PTPN12: variants seen among roughly 807,000 people sequenced by gnomAD.
The protein encoded by PTPN12 is tyrosine-protein phosphatase non-receptor type 12.
PTPN12 carries 29 observed loss-of-function variants against 97.6 expected under a neutral mutation model. The ratio of observed to expected loss-of-function variants is 0.30; its 90% CI spans 0.22 to 0.41. The LOEUF (loss-of-function observed/expected upper bound fraction) is 0.41, where lower values mean the gene tolerates loss of function less well. Among genes scored for constraint, PTPN12 ranks in the 10% least tolerant of loss-of-function variants. PTPN12 has a pLI of 1.00. For missense variants in PTPN12, 819 were observed against 926.0 expected (o/e 0.88, Z 1.50); for synonymous variants, 327 against 300.4 (o/e 1.09, Z -0.91).
rs555345155 is a variant in PTPN12, at chr7:77,541,171, G to A, written c.99+3526G>A. On this transcript the variant is annotated intron_variant, in intron 1 of 17. Transcript: ENST00000248594. ...ATGGTTGCGATCCTGGCTCACGGCA[G>A]CGTCGGTCTCCCTGGGCTCAGGTGA... is the stretch of plus-strand genomic sequence containing the variant. Among the ~76,000 whole-genome samples, 10 of 152,300 alleles carry A rather than the reference G, an allele frequency of 6.6e-5. No individual in the cohort carries two copies. In the South Asian group the frequency reaches 2.1e-3, roughly 32 times the overall value.
intron 12 of PTPN12, among the ~76,000 whole-genome samples, chr7:77,623,153 A>G (rs962962618): frequency 6.6e-6 from 1 of 152,234 alleles, no homozygotes; most frequent in Admixed American, 6.5e-5. Flanking sequence ...TTTAAGTTAC[A>G]TTATGAAATT....
intron 9 of PTPN12, among the ~76,000 whole-genome samples, chr7:77,608,395 C>T (rs758159709): frequency 1.3e-4 from 20 of 152,136 alleles, no homozygotes; most frequent in Non-Finnish European, 2.6e-4. Context: ...GTTCCTACTA[C>T]TGCTTTTTCC....
At chr7:77,557,000 G>A (rs574815928) in intron 1 of PTPN12, among the ~76,000 whole-genome samples, 80 of 151,702 alleles carry the variant, frequency 5.3e-4, no homozygotes, top group African/African-American at 1.8e-3. Flanking sequence ...GAGCGGTCTC[G>A]CTGTTGTCCA....
intron 1 of PTPN12, among the ~76,000 whole-genome samples, chr7:77,556,779 G>A (rs1214976931): frequency 5.3e-5 from 8 of 151,922 alleles, no homozygotes; most frequent in Non-Finnish European, 1.2e-4. Context: ...GCAGTGATCC[G>A]AGACCGCACC....
intron 2 of PTPN12, among the ~76,000 whole-genome samples, chr7:77,576,719 A>G (rs549843530): frequency 6.6e-6 from 1 of 152,296 alleles, no homozygotes; most frequent in Admixed American, 6.5e-5. Flanking sequence ...GCACCAATGA[A>G]GAATATTAAA....
intron 1 of PTPN12, among the ~76,000 whole-genome samples, chr7:77,541,135 G>A (rs796902932): frequency 2.6e-5 from 4 of 152,286 alleles, no homozygotes; most frequent in African/African-American, 7.2e-5. Flanking sequence ...CTGTCACCCA[G>A]GCTGGAGTGC....
intron 14 of PTPN12, among the ~76,000 whole-genome samples, chr7:77,633,600 C>G (rs1332635645): frequency 6.7e-6 from 1 of 148,496 alleles, no homozygotes; most frequent in African/African-American, 2.5e-5. Context: ...CAGAGCAAGA[C>G]TCCATCTCAA....
At chr7:77,594,468 AG>A (rs1316188761) in intron 6 of PTPN12, among the ~76,000 whole-genome samples, 1 of 152,162 alleles carries the variant, frequency 6.6e-6, no homozygotes, top group Admixed American at 6.5e-5. Flanking sequence ...AGTTCTGTGT[AG>A]TATGGTTGTT....
intron 11 of PTPN12, among the ~76,000 whole-genome samples, chr7:77,611,984 T>A (rs1382381406): frequency 6.6e-6 from 1 of 151,846 alleles, no homozygotes; most frequent in East Asian, 1.9e-4. Flanking sequence ...TGCTGAGATT[T>A]TTTTTTTTTT....
intron 2 of PTPN12, among the ~76,000 whole-genome samples, chr7:77,578,070 CCTAA>C (rs1359993666): frequency 1.3e-5 from 2 of 152,162 alleles, no homozygotes; most frequent in Non-Finnish European, 2.9e-5. Context: ...TGGCACCAGT[CCTAA>C]CTATCATTTG....
At chr7:77,582,997 T>A (rs1787572522) in intron 3 of PTPN12, among the ~76,000 whole-genome samples, 1 of 152,176 alleles carries the variant, frequency 6.6e-6, no homozygotes, top group Admixed American at 6.5e-5. Flanking sequence ...TAGTTTTTAC[T>A]TATGCTTAAT....
chr7:77,572,098 CTTT>C (rs35269832), intron 2 of PTPN12, among the ~76,000 whole-genome samples: 133 of 133,322 alleles, frequency 1.0e-3, no homozygotes, highest in Admixed American at 1.5e-3. Flanking sequence ...TTCTTGGTGA[CTTT>C]TTTTTTTTTT....
In PTPN12 at chr7:77,574,942, G is replaced by T. The variant is rs144163361; in HGVS notation, c.208+3756G>T. The stretch of plus-strand genomic sequence containing the variant: ...TATCTCCCGGGTTTAAGCAATTCTC[G>T]TGCCTCAGCCTCCCAAGTAGCTGGG... On this transcript the variant is annotated intron_variant, in intron 2 of 17. Coordinates refer to ENST00000248594, the MANE Select transcript of PTPN12 (RefSeq NM_002835.4). Among the ~76,000 whole-genome samples the T allele has an allele frequency of 5.4e-3, 812 of 151,448 alleles. 7 individuals are homozygous for T. The highest frequency in any genetic ancestry group is 0.019 in the African/African-American group (767 of 41,270).
At chr7:77,539,880 A>G (rs576256325) in intron 1 of PTPN12, among the ~76,000 whole-genome samples, 1 of 152,290 alleles carries the variant, frequency 6.6e-6, no homozygotes, top group East Asian at 1.9e-4. Flanking sequence ...GGGTTTCGCC[A>G]TATTTGCAGG....
At chr7:77,591,172 T>G (rs1337662159) in intron 5 of PTPN12, among the ~76,000 whole-genome samples, 2 of 152,266 alleles carry the variant, frequency 1.3e-5, no homozygotes, top group African/African-American at 4.8e-5. Flanking sequence ...TTTGTTTCTC[T>G]GTGAGCATTA....
At chr7:77,583,415 A>G (rs571288211) in intron 3 of PTPN12, 140 bp from the exon 4 acceptor site, 238 of 601,036 alleles carry the variant, frequency 4.0e-4, no homozygotes, top group Non-Finnish European at 4.5e-4. Flanking sequence ...GCTTTAATAT[A>G]CTATGAAAGA....
intron 5 of PTPN12, among the ~76,000 whole-genome samples, chr7:77,589,137 G>A (rs979675169): frequency 6.6e-6 from 1 of 152,142 alleles, no homozygotes; most frequent in Non-Finnish European, 1.5e-5. Flanking sequence ...GTCTCCCAAA[G>A]TGCTGGGATT....
In PTPN12 at chr7:77,626,831, T is replaced by C. The variant is rs377370395; in HGVS notation, c.1152T>C (p.Asn384=). Residue 384 remains asparagine, a synonymous_variant, in exon 13 of 18, where the codon AAT becomes AAC. Coordinates refer to ENST00000248594, the MANE Select transcript of PTPN12 (RefSeq NM_002835.4). The part of the protein sequence containing the change: ...FPTVTTVWQD[N]DRYHPKPVLH... ...CAGTCACTACTGTGTGGCAGGACAA[T>C]GATAGATACCATCCAAAGCCAGTGT... The C allele has an allele frequency of 6.2e-7, 1 of 1,614,066 alleles. No homozygotes were observed. Among genetic ancestry groups the C allele is most frequent in the Non-Finnish European group, 8.5e-7 (1 of 1,179,976 alleles).
chr7:77,578,614 T>C (rs1262729420), intron 2 of PTPN12, among the ~76,000 whole-genome samples: 2 of 152,158 alleles, frequency 1.3e-5, no homozygotes, highest in Non-Finnish European at 2.9e-5. Flanking sequence ...CAATGAAAAA[T>C]AAATTAGTTA....
Sources: gnomAD v4.1 joint callset for allele counts (sites outside exome capture counted in the v4.1 genomes callset) on GRCh38, gnomAD v4.1.1 for gene constraint, MANE v1.5 for transcripts, NCBI Gene and HGNC (gene_info 2026-07-23, HGNC 2026-07-21) for gene names.